Variants in ATP2B2 observed in about 807,000 individuals in gnomAD.
ATP2B2 encodes the protein ATPase plasma membrane Ca2+ transporting 2.
Under a neutral mutation model 120.0 loss-of-function variants are expected in ATP2B2, and 15 were observed. The ratio of observed to expected loss-of-function variants is 0.12; its 90% confidence interval spans 0.08 to 0.19. ATP2B2 has a LOEUF of 0.19. Among genes scored for constraint, ATP2B2 ranks in the 10% least tolerant of loss-of-function variants. The pLI, the probability that ATP2B2 is intolerant of heterozygous loss-of-function variation, is 1.00. For synonymous variants in ATP2B2, 694 were observed against 700.3 expected, an observed-to-expected ratio of 0.99 and a Z score of 0.14; for missense variants, 1,045 against 1,719.8, an observed-to-expected ratio of 0.61 and a Z score of 6.94.
chr3:10,488,463 A>ATTCCTTCCTTCCTTCCTTCCTTCCTTCC (rs1257729803), intron 1 of ATP2B2, among the ~76,000 whole-genome samples: 1 of 95,746 alleles, frequency 1.0e-5, no homozygotes, highest in Non-Finnish European at 2.1e-5. Flanking sequence ...CACCCTACAA[A>ATTCCTTCCTTCCTTCCTTCCTTCCTTCC]TTCCTTCCTT....
intron 2 of ATP2B2, among the ~76,000 whole-genome samples, chr3:10,571,138 G>T (rs2068116863): frequency 6.6e-6 from 1 of 152,238 alleles, no homozygotes; most frequent in Non-Finnish European, 1.5e-5. Context: ...AGGTGTTCTG[G>T]AAGTTTCTTC....
intron 2 of ATP2B2, among the ~76,000 whole-genome samples, chr3:10,556,589 A>T (rs2067784457): frequency 6.6e-6 from 1 of 152,198 alleles, no homozygotes; most frequent in Admixed American, 6.5e-5. Context: ...TGTTTGGAGA[A>T]GAAGGCTCCT....
chr3:10,485,395 A>G (rs1365097194), intron 1 of ATP2B2, among the ~76,000 whole-genome samples: 2 of 152,186 alleles, frequency 1.3e-5, no homozygotes, highest in African/African-American at 4.8e-5. Flanking sequence ...ACAGGAAGGA[A>G]CAAAGGGTGA....
At chr3:10,480,567 G>T (rs777094531) in intron 1 of ATP2B2, among the ~76,000 whole-genome samples, 3 of 152,192 alleles carry the variant, frequency 2.0e-5, no homozygotes, top group Non-Finnish European at 4.4e-5. Context: ...TTCCTGGACA[G>T]AACTCCCTGT....
intron 1 of ATP2B2, among the ~76,000 whole-genome samples, chr3:10,659,328 G>A (rs2070719568): frequency 6.6e-6 from 1 of 152,316 alleles, no homozygotes; most frequent in East Asian, 1.9e-4. Context: ...AGACCCATCA[G>A]TGTGCTGTAT....
Position 10,485,832 on chromosome 3 carries a change from T to C in ATP2B2, c.-320+19633A>G, listed in dbSNP as rs189245791. 7.5e-3 allele frequency among the ~76,000 whole-genome samples: 1,138 copies of C among 152,278 alleles called. 4 individuals carry two copies. Among genetic ancestry groups the C allele is most frequent in the Non-Finnish European group, 0.011 (761 of 68,008 alleles). On this transcript the variant is annotated intron_variant, in intron 1 of 22. Transcript: ENST00000360273. ...CTCAGGGCTGTCCCTGAGTAAAGAC[T>C]GTGCTCTTGGGAGTCAGGAAGGGTT...
chr3:10,464,261 C>T (rs559824630), intron 1 of ATP2B2, among the ~76,000 whole-genome samples: 2 of 152,094 alleles, frequency 1.3e-5, no homozygotes, highest in African/African-American at 2.4e-5. Context: ...GAAGGGGGTG[C>T]GGGTGGGGGT....
At position 10,449,563 on chromosome 3, in the gene ATP2B2, C is replaced by A; in HGVS notation, c.-20G>T. On this transcript the variant is annotated 5_prime_UTR_variant, in exon 2 of 23. Transcript: ENST00000360273. ...ACCCATGTTTGCTGCGGTCCTTGCT[C>A]GGGCTGGGCCCAAGGGTCAGCGCTG... The A allele has an allele frequency of 1.9e-6, 3 of 1,614,144 alleles. No homozygotes were observed. In the South Asian group the frequency reaches 3.3e-5, roughly 18 times the overall value.
At chr3:10,675,145 T>C (rs191881053) in intron 1 of ATP2B2, among the ~76,000 whole-genome samples, 1 of 152,340 alleles carries the variant, frequency 6.6e-6, no homozygotes, top group African/African-American at 2.4e-5. Flanking sequence ...AGTAAACATT[T>C]TATTGAACTA....
At chr3:10,630,608 T>C (rs1421264777) in intron 1 of ATP2B2, among the ~76,000 whole-genome samples, 1 of 152,234 alleles carries the variant, frequency 6.6e-6, no homozygotes, top group East Asian at 1.9e-4. Flanking sequence ...GTCTTTGCTA[T>C]TGGGTAACAC....
At chr3:10,345,907 G>A in intron 17 of ATP2B2, 124 bp downstream of exon 17, 2 of 979,750 alleles carry the variant, frequency 2.0e-6, no homozygotes, top group South Asian at 3.0e-5. Flanking sequence ...GAGAAGGGTG[G>A]GCACCCACGG....
rs1259844454 is a variant in ATP2B2, at chr3:10,347,640, C to T, written c.2405-1503G>A. 1.3e-5 allele frequency among the ~76,000 whole-genome samples: 2 copies of T among 152,228 alleles called. No individual in the cohort carries two copies. The highest frequency in any genetic ancestry group is 4.8e-5 in the African/African-American group (2 of 41,462). ...GACTCAGCCTCCCCAAGCTTGTCCC[C>T]TTGGGACATTAGGCCTGAGTTTCCA... On this transcript the variant is annotated intron_variant, in intron 16 of 22. Transcript: ENST00000360273. This position sits in a 1 kb window ranked among gnomAD's most constrained non-coding sequence, Gnocchi z 5.2.
At chr3:10,600,157 C>T (rs2068868956) in intron 2 of ATP2B2, among the ~76,000 whole-genome samples, 1 of 152,246 alleles carries the variant, frequency 6.6e-6, no homozygotes, top group East Asian at 1.9e-4. Flanking sequence ...TCTACTAGCT[C>T]TGCCCTGAGC....
intron 14 of ATP2B2, among the ~76,000 whole-genome samples, chr3:10,353,153 T>A (rs186558071): frequency 7.9e-5 from 12 of 152,308 alleles, no homozygotes; most frequent in African/African-American, 2.9e-4. Flanking sequence ...TGTACTCTGT[T>A]TGGAGGCAGG....
Position 10,466,796 on chromosome 3 carries a change from G to A in ATP2B2, c.-319-16934C>T, listed in dbSNP as rs576974593. Among the ~76,000 whole-genome samples, 64 of 152,296 alleles carry A rather than the reference G, an allele frequency of 4.2e-4. 4 individuals are homozygous for A. The South Asian group carries it at 8.5e-3, about 20-fold the overall frequency. The stretch of plus-strand genomic sequence containing the variant: ...TTCAGTTTTAAGCTCAAAAGGATCC[G>A]TTGACCATTTCCATTTCACAAGTAA... On this transcript the variant is annotated intron_variant, in intron 1 of 22. Coordinates refer to ENST00000360273, the MANE Select transcript of ATP2B2 (RefSeq NM_001001331.4).
intron 3 of ATP2B2, among the ~76,000 whole-genome samples, chr3:10,529,200 C>T (rs2067160312): frequency 6.6e-6 from 1 of 152,264 alleles, no homozygotes; most frequent in African/African-American, 2.4e-5. Flanking sequence ...AAGGACATTA[C>T]TTCTCTAGGG....
At chr3:10,355,498 C>A (rs1283729598) in intron 14 of ATP2B2, among the ~76,000 whole-genome samples, 1 of 152,142 alleles carries the variant, frequency 6.6e-6, no homozygotes, top group Non-Finnish European at 1.5e-5. Flanking sequence ...TCTCTGGGGA[C>A]GTCAGAGCTT....
chr3:10,679,044 T>C (rs1028679092), intron 1 of ATP2B2, among the ~76,000 whole-genome samples: 3 of 152,274 alleles, frequency 2.0e-5, no homozygotes. Context: ...TCTCTCCTGC[T>C]GGCCTTAGAG....
intron 1 of ATP2B2, among the ~76,000 whole-genome samples, chr3:10,677,690 C>T (rs2071278726): frequency 6.6e-6 from 1 of 152,078 alleles, no homozygotes; most frequent in Non-Finnish European, 1.5e-5. Context: ...TTGCTGTGAA[C>T]CTAAGATTAC....
Sources: allele counts gnomAD v4.1 joint callset (sites outside exome capture counted in the v4.1 genomes callset), GRCh38; gene constraint gnomAD v4.1.1; non-coding constraint Gnocchi (gnomAD v3.1); transcripts MANE v1.5; gene names NCBI Gene and HGNC (gene_info 2026-07-23, HGNC 2026-07-21).